The following ABR variants were observed in gnomAD, a reference collection of about 807,000 sequenced individuals.
ABR encodes active breakpoint cluster region-related protein.
ABR carries 35 observed loss-of-function variants against 107.2 expected under a neutral mutation model. That is an observed-to-expected ratio of 0.33 (90% CI 0.25 to 0.43). ABR has a LOEUF of 0.43. ABR is among the 20% of genes least tolerant of loss of function. The pLI, the probability that ABR is intolerant of heterozygous loss-of-function variation, is 1.00. For missense variants in ABR, 815 were observed against 1,115.2 expected (o/e 0.73, Z 3.83); for synonymous variants, 498 against 462.0 (o/e 1.08, Z -1.00).
intron 18 of ABR, 188 bp downstream of exon 18, chr17:1,012,500 G>A (rs531718321): frequency 7.1e-5 from 50 of 701,368 alleles, no homozygotes; most frequent in East Asian, 1.6e-4. Context: ...GCTGGCTCGC[G>A]TGCTTCTGAA....
chr17:1,079,042 G>A (rs1319578057), intron 6 of ABR: 6 of 1,438,434 alleles, frequency 4.2e-6, no homozygotes, highest in Non-Finnish European at 3.6e-6. Context: ...GAGGAGAGGA[G>A]GGAAGGGGAA....
At chr17:1,065,093 CGCTGCTGTT>C (rs2034561793) in intron 10 of ABR, among the ~76,000 whole-genome samples, 2 of 88,002 alleles carry the variant, frequency 2.3e-5, no homozygotes, top group East Asian at 3.1e-4. Flanking sequence ...TTCCTCTAGA[CGCTGCTGTT>C]ACGTGAACTG....
chr17:1,212,127 G>T (rs961776641), intron 1 of ABR, among the ~76,000 whole-genome samples: 30 of 151,498 alleles, frequency 2.0e-4, no homozygotes, highest in African/African-American at 6.1e-4. Context: ...ATGAAACAGT[G>T]TTAAACTGAG....
chr17:1,074,832 G>C (rs967711086), intron 6 of ABR, among the ~76,000 whole-genome samples: 5 of 152,214 alleles, frequency 3.3e-5, no homozygotes, highest in African/African-American at 9.6e-5. Flanking sequence ...TGTAATCCCA[G>C]CTATTTGGGA....
chr17:1,176,889 G>A (rs1293812543), intron 1 of ABR, among the ~76,000 whole-genome samples: 2 of 151,080 alleles, frequency 1.3e-5, no homozygotes, highest in African/African-American at 4.9e-5. Context: ...AAAGAAAAAA[G>A]AAAGAAAGAG....
chr17:1,109,994 T>A (rs1198720952), intron 2 of ABR, among the ~76,000 whole-genome samples: 1 of 117,982 alleles, frequency 8.5e-6, no homozygotes, highest in Non-Finnish European at 1.7e-5. Flanking sequence ...CCCCACCTCC[T>A]CTGAGCAGCC....
rs146232019 is a variant in ABR, at chr17:1,151,893, G to A, written c.62-26526C>T. Reference sequence around the variant, plus strand: ...AAGTTAGCCGGGCGTGGTGATGAGCGCCTGTAGTCCCAGCACTTTGAGAGG... The same window carrying A: ...AAGTTAGCCGGGCGTGGTGATGAGCACCTGTAGTCCCAGCACTTTGAGAGG... On this transcript the variant is annotated intron_variant, in intron 1 of 22. Transcript: ENST00000302538. 2.6e-3 allele frequency among the ~76,000 whole-genome samples: 387 copies of A among 151,010 alleles called. 2 individuals are homozygous for A. In the East Asian group the frequency reaches 0.064, roughly 25 times the overall value.
chr17:1,083,262 ATTTTTTTT>A (rs71148428), intron 5 of ABR: 6,669 of 101,320 alleles, frequency 0.066, 364 homozygotes, highest in African/African-American at 0.18. Context: ...ACTGCCTTGG[ATTTTTTTT>A]TTTTTTTTTT....
At chr17:1,099,050 G>C (rs972824882) in intron 3 of ABR, among the ~76,000 whole-genome samples, 7 of 151,948 alleles carry the variant, frequency 4.6e-5, no homozygotes, top group East Asian at 1.9e-4. Context: ...GCCTCCCAAA[G>C]TGCTGGGATT....
intron 16 of ABR, among the ~76,000 whole-genome samples, chr17:1,046,947 T>C (rs1199107667): frequency 6.6e-6 from 1 of 152,208 alleles, no homozygotes; most frequent in Non-Finnish European, 1.5e-5. Flanking sequence ...TGACGCATGC[T>C]GCCGTCTGTC....
chr17:1,203,407 C>T (rs192331858), intron 1 of ABR, among the ~76,000 whole-genome samples: 2 of 63,382 alleles, frequency 3.2e-5, no homozygotes, highest in African/African-American at 8.2e-5. Context: ...CCGCGGGGGG[C>T]GGAGTCTGCG....
intron 1 of ABR, among the ~76,000 whole-genome samples, chr17:1,143,469 ATTCCTGGGGGGCAGCTCG>A (rs2040396582): frequency 2.7e-5 from 1 of 36,928 alleles, no homozygotes; most frequent in African/African-American, 1.1e-4. Flanking sequence ...GGGGCAGCTC[ATTCCTGGGGGGCAGCTCG>A]CTCCTGGGGG....
At chr17:1,224,340 C>A (rs4075435) in intron 1 of ABR, among the ~76,000 whole-genome samples, 1 of 151,900 alleles carries the variant, frequency 6.6e-6, no homozygotes, top group East Asian at 1.9e-4. Flanking sequence ...CTATCGTGCG[C>A]GGACAAAAAA....
At chr17:1,224,939 G>A (rs1240383941) in intron 1 of ABR, among the ~76,000 whole-genome samples, 1 of 151,668 alleles carries the variant, frequency 6.6e-6, no homozygotes, top group Non-Finnish European at 1.5e-5. Context: ...CACAAAGTCA[G>A]GAGATCGAGA....
chr17:1,065,742 CTTTTTTTTTTTTT>C (rs56388222), intron 10 of ABR, among the ~76,000 whole-genome samples: 1 of 116,346 alleles, frequency 8.6e-6, no homozygotes, highest in Non-Finnish European at 1.7e-5. Flanking sequence ...CAAACCAATG[CTTTTTTTTTTTTT>C]TTTTTTTTTT....
intron 2 of ABR, chr17:1,100,974 C>G: frequency 1.8e-6 from 1 of 546,622 alleles, no homozygotes; most frequent in East Asian, 3.1e-5. Flanking sequence ...CAGGCACCTG[C>G]CACCATGCCC....
At chr17:1,175,034 TA>T (rs917734002) in intron 1 of ABR, among the ~76,000 whole-genome samples, 1 of 151,590 alleles carries the variant, frequency 6.6e-6, no homozygotes, top group African/African-American at 2.4e-5. Flanking sequence ...AAAATAAAAA[TA>T]AAAAAATAAA....
intron 16 of ABR, among the ~76,000 whole-genome samples, chr17:1,018,204 G>A (rs1022952018): frequency 2.4e-4 from 36 of 151,862 alleles, no homozygotes; most frequent in African/African-American, 5.3e-4. Flanking sequence ...CACCACCCCC[G>A]GCTAATTTTT....
At chr17:1,079,025 G>C in intron 6 of ABR, 1 of 1,448,886 alleles carries the variant, frequency 6.9e-7, no homozygotes, top group Non-Finnish European at 9.1e-7. Context: ...GGAGGGAGGC[G>C]CGTGGCGAGG....
Sources: gnomAD v4.1 joint callset for allele counts (sites outside exome capture counted in the v4.1 genomes callset) on GRCh38, gnomAD v4.1.1 for gene constraint, MANE v1.5 for transcripts, NCBI Gene and HGNC (gene_info 2026-07-23, HGNC 2026-07-21) for gene names.